Variants in TPTE observed in about 807,000 individuals in gnomAD.
TPTE encodes putative tyrosine-protein phosphatase TPTE.
TPTE carries 59 observed loss-of-function variants against 84.1 expected under a neutral mutation model. That is an observed-to-expected ratio of 0.70 (90% CI 0.57 to 0.87). TPTE has a LOEUF of 0.87. TPTE is among the 40% of genes least tolerant of loss of function. The probability of loss-of-function intolerance (pLI) is 0.00; values close to 1 mark genes in which losing one functional copy is unlikely to be tolerated. For synonymous variants in TPTE, 130 were observed against 223.5 expected, an observed-to-expected ratio of 0.58 and a Z score of 3.73; for missense variants, 382 against 659.6, an observed-to-expected ratio of 0.58 and a Z score of 4.61.
At chr21:10,582,040 T>G (rs1156875048) in intron 17 of TPTE, among the ~76,000 whole-genome samples, 1 of 152,310 alleles carries the variant, frequency 6.6e-6, no homozygotes, top group Non-Finnish European at 1.5e-5. Context: ...TGGAGAGAAG[T>G]TTGTAATTTT....
chr21:10,603,632 G>A lies in TPTE; in HGVS notation c.1520G>A (p.Arg507Lys), dbSNP rs201582298. 1.2e-6 allele frequency: 2 copies of A among 1,611,494 alleles called. No individual in the cohort carries two copies. The highest frequency in any genetic ancestry group is 1.3e-5 in the African/African-American group (1 of 75,020). Residue 507 changes from arginine to lysine, a missense_variant and splice_region_variant, in exon 23 of 24, where the codon AGG (arginine) becomes AAG (lysine). Arg to Lys is a conservative substitution (Grantham distance 26). This residue lies in a region of TPTE where 120 missense variants were observed against 79.1 expected (regional missense o/e 1.52). Transcript: ENST00000618007. ...WLHTSFIENNRLYLPKNELDN... is the reference protein window; with the variant it reads ...WLHTSFIENNKLYLPKNELDN... ...CACACATCTTTTATTGAAAATAACAGGTATGAATATAATAGAAACCCATAG... is the reference window on the plus strand; with the variant it reads ...CACACATCTTTTATTGAAAATAACAAGTATGAATATAATAGAAACCCATAG...
At chr21:10,543,934 A>G (rs1421644574) in intron 7 of TPTE, among the ~76,000 whole-genome samples, 4 of 152,424 alleles carry the variant, frequency 2.6e-5, no homozygotes, top group East Asian at 3.8e-4. Flanking sequence ...CTCTGTCCAC[A>G]TGTGAGGTTG....
At chr21:10,537,384 G>A (rs1247714795) in intron 3 of TPTE, among the ~76,000 whole-genome samples, 1 of 152,306 alleles carries the variant, frequency 6.6e-6, no homozygotes, top group Non-Finnish European at 1.5e-5. Context: ...CTGTGAGACA[G>A]AAATAATATA....
chr21:10,535,729 C>G (rs2074255206), intron 3 of TPTE, among the ~76,000 whole-genome samples: 1 of 152,424 alleles, frequency 6.6e-6, no homozygotes, highest in East Asian at 1.9e-4. Flanking sequence ...GCAAAAAGAA[C>G]AGAGTTCATG....
chr21:10,554,054 CT>C (rs2074631271), intron 8 of TPTE, among the ~76,000 whole-genome samples: 1 of 152,300 alleles, frequency 6.6e-6, no homozygotes, highest in Non-Finnish European at 1.5e-5. Flanking sequence ...CTTCTAAGTT[CT>C]TTAAGCATAT....
At chr21:10,570,339 CTGAG>C (rs1237118002) in intron 13 of TPTE, 142 bp from the exon 14 acceptor site, 23 of 1,400,602 alleles carry the variant, frequency 1.6e-5, no homozygotes, top group African/African-American at 7.3e-5. Context: ...TTTGATTATC[CTGAG>C]TATTAGCTCT....
At chr21:10,558,992 C>T (rs1466527834) in intron 8 of TPTE, among the ~76,000 whole-genome samples, 1 of 152,304 alleles carries the variant, frequency 6.6e-6, no homozygotes, top group East Asian at 1.9e-4. Context: ...TTTGCAACCT[C>T]ATATGTGACT....
intron 1 of TPTE, among the ~76,000 whole-genome samples, chr21:10,522,911 G>A (rs1008380215): frequency 6.6e-6 from 1 of 152,310 alleles, no homozygotes; most frequent in African/African-American, 2.4e-5. Flanking sequence ...GAATATGAGT[G>A]TATTTTAAAT....
chr21:10,594,822 G>T (rs2075551466), intron 19 of TPTE, among the ~76,000 whole-genome samples: 2 of 152,308 alleles, frequency 1.3e-5, no homozygotes, highest in African/African-American at 4.8e-5. Flanking sequence ...CCTCAGGACA[G>T]AGTGCCCTCT....
At chr21:10,598,936 C>T (rs207477735) in intron 21 of TPTE, among the ~76,000 whole-genome samples, 1 of 152,428 alleles carries the variant, frequency 6.6e-6, no homozygotes, top group African/African-American at 2.4e-5. Context: ...GCTTTGTGTT[C>T]TTAGCAAATA....
chr21:10,551,568 A>G (rs2074574521), intron 7 of TPTE, among the ~76,000 whole-genome samples: 2 of 152,302 alleles, frequency 1.3e-5, no homozygotes, highest in South Asian at 4.1e-4. Context: ...ATTAAAAGGA[A>G]ATAAATAATG....
At chr21:10,585,255 A>C (rs1404540459) in intron 17 of TPTE, among the ~76,000 whole-genome samples, 1 of 137,010 alleles carries the variant, frequency 7.3e-6, no homozygotes, top group Non-Finnish European at 1.5e-5. Context: ...AAAAAAAAAA[A>C]AGAAAGAAAG....
At chr21:10,525,960 C>T (rs1489035363) in intron 2 of TPTE, among the ~76,000 whole-genome samples, 2 of 152,420 alleles carry the variant, frequency 1.3e-5, no homozygotes, top group Admixed American at 6.5e-5. Context: ...AGTTCTCTTC[C>T]TCAGTAGAGG....
At chr21:10,549,766 CAT>C (rs1406892294) in intron 7 of TPTE, among the ~76,000 whole-genome samples, 1 of 152,306 alleles carries the variant, frequency 6.6e-6, no homozygotes, top group Non-Finnish European at 1.5e-5. Flanking sequence ...ATGAGGAAAA[CAT>C]ATTTAATAAA....
intron 17 of TPTE, among the ~76,000 whole-genome samples, chr21:10,586,728 T>C (rs2075373613): frequency 6.6e-6 from 1 of 152,308 alleles, no homozygotes; most frequent in Non-Finnish European, 1.5e-5. Flanking sequence ...ACCTGCATCC[T>C]TGATTTAGCT....
intron 1 of TPTE, among the ~76,000 whole-genome samples, chr21:10,523,285 G>A (rs2074016970): frequency 6.6e-6 from 1 of 152,200 alleles, no homozygotes; most frequent in African/African-American, 2.4e-5. Context: ...ATGAGTATCT[G>A]TATGTATGGC....
chr21:10,605,688 A>G lies in TPTE; in HGVS notation c.*136A>G. 7.0e-7 allele frequency: 1 copy of G among 1,437,326 alleles called. No individual in the cohort carries two copies. The highest frequency in any genetic ancestry group is 9.3e-7 in the Non-Finnish European group (1 of 1,079,156). 89.0% of individuals were successfully genotyped at this position (1,437,326 alleles called of 1,614,324 possible). A position where few individuals can be genotyped will look rare whatever the true frequency, so the allele number is the denominator to read the frequency against. On this transcript the variant is annotated 3_prime_UTR_variant, in exon 24 of 24. Transcript: ENST00000618007. ...TTATATATGTTTATATATGTTCTTC[A>G]TAAATCTATTACATATATATAGATA...
chr21:10,562,699 G>A (rs572368288), intron 10 of TPTE, among the ~76,000 whole-genome samples: 6 of 152,302 alleles, frequency 3.9e-5, no homozygotes, highest in African/African-American at 2.4e-5. Context: ...TTGAAGACAG[G>A]CTATTTCAAA....
At chr21:10,593,833 G>T (rs2075531195) in intron 19 of TPTE, among the ~76,000 whole-genome samples, 1 of 152,304 alleles carries the variant, frequency 6.6e-6, no homozygotes, top group African/African-American at 2.4e-5. Flanking sequence ...CTGTAAATGA[G>T]TTTTTCTTTA....
Sources: allele counts gnomAD v4.1 joint callset (sites outside exome capture counted in the v4.1 genomes callset), GRCh38; gene constraint gnomAD v4.1.1; regional missense constraint gnomAD v4.1.1; transcripts MANE v1.5; gene names NCBI Gene and HGNC (gene_info 2026-07-23, HGNC 2026-07-21).